Variants in ARHGEF7 observed in about 807,000 individuals in gnomAD.
The protein encoded by ARHGEF7 is Rho guanine nucleotide exchange factor 7.
Under a neutral mutation model 109.8 loss-of-function variants are expected in ARHGEF7, and 33 were observed. That is an observed-to-expected ratio of 0.30 (90% CI 0.23 to 0.40). The LOEUF is 0.40. ARHGEF7 is among the 10% of genes least tolerant of loss of function. The pLI is 1.00. For missense variants in ARHGEF7, 938 were observed against 1,098.5 expected (o/e 0.85, Z 2.07); for synonymous variants, 458 against 424.6 (o/e 1.08, Z -0.97).
At chr13:111,294,836 A>G in intron 19 of ARHGEF7, 1 of 985,848 alleles carries the variant, frequency 1.0e-6, no homozygotes, top group Non-Finnish European at 1.2e-6. Flanking sequence ...TTAAGCCATC[A>G]CCAGGCCTTT....
At chr13:111,278,889 C>A (rs2092634402) in intron 13 of ARHGEF7, among the ~76,000 whole-genome samples, 1 of 152,196 alleles carries the variant, frequency 6.6e-6, no homozygotes, top group South Asian at 2.1e-4. Context: ...CTGGTGCTTA[C>A]ACTGGATTTG....
intron 2 of ARHGEF7, among the ~76,000 whole-genome samples, chr13:111,178,894 T>C (rs965524201): frequency 3.3e-5 from 5 of 152,134 alleles, no homozygotes; most frequent in African/African-American, 9.7e-5. Context: ...ATGAGTGAAA[T>C]GCTTTATTTT....
At chr13:111,153,711 A>T in intron 1 of ARHGEF7, 194 bp from the exon 2 acceptor site, 1 of 1,319,294 alleles carries the variant, frequency 7.6e-7, no homozygotes, top group South Asian at 2.0e-5. Flanking sequence ...GCCCCGGAGG[A>T]AGAAAAAAGG....
intron 2 of ARHGEF7, among the ~76,000 whole-genome samples, chr13:111,177,053 G>A (rs960881202): frequency 2.6e-5 from 4 of 152,212 alleles, no homozygotes; most frequent in Admixed American, 2.6e-4. Flanking sequence ...CACCGCGCCC[G>A]GCTGACTGAC....
chr13:111,137,594 G>T (rs1381194431), intron 1 of ARHGEF7, among the ~76,000 whole-genome samples: 1 of 152,202 alleles, frequency 6.6e-6, no homozygotes, highest in Non-Finnish European at 1.5e-5. Context: ...GAGGCAGAGA[G>T]ACAGAAAGGA....
At chr13:111,300,573 C>T (rs2093541743) in intron 19 of ARHGEF7, among the ~76,000 whole-genome samples, 175 bp from the exon 20 acceptor site, 1 of 152,216 alleles carries the variant, frequency 6.6e-6, no homozygotes, top group African/African-American at 2.4e-5. Flanking sequence ...GCTCGGTAGA[C>T]AGAGGTGAAG....
chr13:111,271,855 G>C (rs1216162068), intron 9 of ARHGEF7, among the ~76,000 whole-genome samples: 1 of 152,156 alleles, frequency 6.6e-6, no homozygotes, highest in Non-Finnish European at 1.5e-5. Context: ...ATTTGCTTTA[G>C]TATTGATAAT....
chr13:111,188,287 A>G (rs1226984571), intron 2 of ARHGEF7, among the ~76,000 whole-genome samples: 2 of 152,200 alleles, frequency 1.3e-5, no homozygotes, highest in East Asian at 3.9e-4. Flanking sequence ...CTCCCCTGAG[A>G]CCCAGAGCCA....
At chr13:111,290,534 G>A (rs1385659554) in intron 18 of ARHGEF7, among the ~76,000 whole-genome samples, 1 of 152,110 alleles carries the variant, frequency 6.6e-6, no homozygotes, top group Non-Finnish European at 1.5e-5. Context: ...TGTGGGTGAG[G>A]GCCGACTGAG....
chr13:111,241,129 C>A lies in ARHGEF7; in HGVS notation c.760-2743C>A. 1.3e-6 allele frequency: 2 copies of A among 1,522,872 alleles called. 1 individual carries two copies. Among genetic ancestry groups the A allele is most frequent in the South Asian group, 2.5e-5 (2 of 81,260 alleles). 94.3% of individuals were successfully genotyped at this position (1,522,872 alleles called of 1,614,324 possible). On this transcript the variant is annotated intron_variant, in intron 6 of 21. Transcript: ENST00000646102. ...GCACTTGCCTCTCCATGCCTCGTGACCCCCGGGAAGCTGGCACTGGCTGAG... is the reference window on the plus strand; with the variant it reads ...GCACTTGCCTCTCCATGCCTCGTGAACCCCGGGAAGCTGGCACTGGCTGAG...
chr13:111,120,523 A>G (rs2067130045), intron 1 of ARHGEF7, among the ~76,000 whole-genome samples: 1 of 151,110 alleles, frequency 6.6e-6, no homozygotes, highest in East Asian at 2.0e-4. Flanking sequence ...ACACGCACAC[A>G]CAGACACGTC....
chr13:111,191,077 A>AG (rs1352534484), intron 2 of ARHGEF7, among the ~76,000 whole-genome samples: 12 of 152,262 alleles, frequency 7.9e-5, no homozygotes, highest in African/African-American at 2.9e-4. Context: ...GCGCTGCTGC[A>AG]GGGGGTCCAG....
chr13:111,213,543 G>A (rs563861378), intron 4 of ARHGEF7, among the ~76,000 whole-genome samples: 2 of 152,258 alleles, frequency 1.3e-5, no homozygotes, highest in African/African-American at 4.8e-5. Context: ...GATGTCTGAT[G>A]GTGAAGATGA....
Position 111,239,493 on chromosome 13 carries a change from C to T in ARHGEF7, c.760-4379C>T, listed in dbSNP as rs147700876. The stretch of plus-strand genomic sequence containing the variant: ...GAGCCTCCTGGTGACAGGGTGTCTT[C>T]GGTCTCCATCCATCAGCAGTGACCC... On this transcript the variant is annotated intron_variant, in intron 6 of 21. Transcript: ENST00000646102. The surrounding 1 kb of genome is among the most constrained non-coding windows in gnomAD (Gnocchi z 4.3). Among the ~76,000 whole-genome samples the T allele has an allele frequency of 6.1e-3, 935 of 152,242 alleles. 8 individuals are homozygous for T. Among genetic ancestry groups the T allele is most frequent in the Middle Eastern group, 0.027 (8 of 294 alleles).
In ARHGEF7 at chr13:111,272,695, C is replaced by A. The variant is rs375273461; in HGVS notation, c.1074-1119C>A. On this transcript the variant is annotated intron_variant, in intron 9 of 21. Coordinates refer to ENST00000646102, the MANE Select transcript of ARHGEF7 (RefSeq NM_001354046.2). This position sits in a 1 kb window ranked among gnomAD's most constrained non-coding sequence, Gnocchi z 5.2. ...GTGGTGACTGAGAAGTCATCCTGGTCTGGACCTGGCATCGGCTGCCAGCGC... is the reference window on the plus strand; with the variant it reads ...GTGGTGACTGAGAAGTCATCCTGGTATGGACCTGGCATCGGCTGCCAGCGC... Among the ~76,000 whole-genome samples, 2 of 152,242 alleles carry A rather than the reference C, an allele frequency of 1.3e-5. No homozygotes were observed. The highest frequency in any genetic ancestry group is 4.8e-5 in the African/African-American group (2 of 41,540).
intron 19 of ARHGEF7, 169 bp downstream of exon 19, chr13:111,292,463 A>T: frequency 6.9e-7 from 1 of 1,443,838 alleles, no homozygotes; most frequent in Non-Finnish European, 9.1e-7. Flanking sequence ...GATATTTCCC[A>T]TTGTACTTTG....
intron 1 of ARHGEF7, among the ~76,000 whole-genome samples, chr13:111,134,779 C>T (rs558129768): frequency 1.8e-4 from 27 of 152,274 alleles, no homozygotes; most frequent in Admixed American, 1.5e-3. Context: ...TTTTGCTGTG[C>T]AGAAGCTCTT....
chr13:111,145,985 G>C lies in ARHGEF7; in HGVS notation c.166-7920G>C, dbSNP rs147041729. ...GAGTTAGGTCATTTAGTGCACAGTT[G>C]CTGACTGTTTAACATGAGACATCGG... On this transcript the variant is annotated intron_variant, in intron 1 of 21. Coordinates refer to ENST00000646102, the MANE Select transcript of ARHGEF7 (RefSeq NM_001354046.2). The surrounding 1 kb of genome is among the most constrained non-coding windows in gnomAD (Gnocchi z 4.3). Among the ~76,000 whole-genome samples, 1 of 152,310 alleles carries C rather than the reference G, an allele frequency of 6.6e-6. No individual in the cohort carries two copies. The highest frequency in any genetic ancestry group is 1.9e-4 in the East Asian group (1 of 5,184).
chr13:111,182,795 T>G (rs1332353109), intron 2 of ARHGEF7: 2 of 152,250 alleles, frequency 1.3e-5, no homozygotes, highest in Non-Finnish European at 2.9e-5. Flanking sequence ...TCAACTTACA[T>G]GTTTTTTTGA....
Sources: allele counts gnomAD v4.1 joint callset (sites outside exome capture counted in the v4.1 genomes callset), GRCh38; gene constraint gnomAD v4.1.1; non-coding constraint Gnocchi (gnomAD v3.1); transcripts MANE v1.5; gene names NCBI Gene and HGNC (gene_info 2026-07-23, HGNC 2026-07-21).